Variants in ADK observed in about 807,000 individuals in gnomAD.
The protein encoded by ADK is adenosine kinase.
ADK carries 24 observed loss-of-function variants against 44.7 expected under a neutral mutation model. The observed-to-expected ratio is 0.54, with a 90% confidence interval of 0.39 to 0.76. ADK has a LOEUF of 0.76. Ranked by LOEUF, ADK falls within the 30% of genes least tolerant of loss-of-function variation. The pLI, the probability that ADK is intolerant of heterozygous loss-of-function variation, is 0.00. For synonymous variants in ADK, 128 were observed against 142.6 expected (o/e 0.90, Z 0.73); for missense variants, 321 against 425.1 (o/e 0.76, Z 2.15).
intron 9 of ADK, among the ~76,000 whole-genome samples, chr10:74,652,046 C>CT (rs1401635840): frequency 0.017 from 2,343 of 138,482 alleles, 61 homozygotes; most frequent in African/African-American, 0.031. Flanking sequence ...AACTTTCTTT[C>CT]TTTCTTTTTT....
intron 3 of ADK, among the ~76,000 whole-genome samples, chr10:74,304,363 TAAATG>T (rs1043488072): frequency 2.6e-5 from 4 of 152,184 alleles, no homozygotes; most frequent in African/African-American, 9.7e-5. Flanking sequence ...ACGTTCAAGG[TAAATG>T]AAATGAAAGA....
At chr10:74,317,181 C>G (rs2131811322) in intron 4 of ADK, among the ~76,000 whole-genome samples, 1 of 152,266 alleles carries the variant, frequency 6.6e-6, no homozygotes, top group South Asian at 2.1e-4. Context: ...TGTCCAAACA[C>G]AATTCTAGAT....
At chr10:74,286,180 G>A (rs575977358) in intron 3 of ADK, among the ~76,000 whole-genome samples, 76 of 152,218 alleles carry the variant, frequency 5.0e-4, no homozygotes, top group African/African-American at 1.8e-3. Context: ...AGCTTCCCAA[G>A]CAGCTAGGAC....
chr10:74,536,203 T>A (rs190811326), intron 7 of ADK, among the ~76,000 whole-genome samples: 42 of 152,240 alleles, frequency 2.8e-4, no homozygotes, highest in African/African-American at 1.0e-3. Flanking sequence ...ATGCCTGACA[T>A]TTCTTTTAGG....
chr10:74,693,761 A>G (rs572435035), intron 10 of ADK, among the ~76,000 whole-genome samples: 1 of 152,324 alleles, frequency 6.6e-6, no homozygotes, highest in South Asian at 2.1e-4. Flanking sequence ...CCTAAGCCTA[A>G]GAGTAAAATA....
At chr10:74,574,294 C>T (rs1447437644) in intron 7 of ADK, among the ~76,000 whole-genome samples, 1 of 152,026 alleles carries the variant, frequency 6.6e-6, no homozygotes, top group Admixed American at 6.5e-5. Context: ...CCTCAGCCTC[C>T]CAAGTAGCTG....
intron 8 of ADK, among the ~76,000 whole-genome samples, chr10:74,593,983 A>T: frequency 6.6e-6 from 1 of 152,186 alleles, no homozygotes; most frequent in Non-Finnish European, 1.5e-5. Context: ...TTGCTGGGTC[A>T]AATGGTATTT....
chr10:74,631,197 A>G (rs1171983379), intron 9 of ADK, among the ~76,000 whole-genome samples: 1 of 151,812 alleles, frequency 6.6e-6, no homozygotes, highest in African/African-American at 2.4e-5. Flanking sequence ...GAATTTATAC[A>G]CACATCTATA....
chr10:74,488,630 A>ATTTTTCTCCTC (rs6143984), intron 6 of ADK, among the ~76,000 whole-genome samples: 108,690 of 150,004 alleles, frequency 0.72, 40,089 homozygotes, highest in Middle Eastern at 0.86. Flanking sequence ...AGATAGCAGG[A>ATTTTTCTCCTC]TTAAAGAAAA....
At chr10:74,169,287 T>G (rs764625769) in intron 1 of ADK, among the ~76,000 whole-genome samples, 1 of 152,248 alleles carries the variant, frequency 6.6e-6, no homozygotes, top group African/African-American at 2.4e-5. Flanking sequence ...TATTCTTTAT[T>G]TCTGTGATGT....
At chr10:74,245,594 G>GTTTTTT (rs11377208) in intron 3 of ADK, among the ~76,000 whole-genome samples, 2 of 141,270 alleles carry the variant, frequency 1.4e-5, no homozygotes. Context: ...TTTTGTTTTT[G>GTTTTTT]TTTTTTTTTT....
At chr10:74,518,999 C>T (rs1447944490) in intron 6 of ADK, among the ~76,000 whole-genome samples, 2 of 151,098 alleles carry the variant, frequency 1.3e-5, no homozygotes, top group African/African-American at 2.4e-5. Context: ...TGGTGCTATT[C>T]AATAGAAATA....
At chr10:74,236,620 C>G (rs1844968199) in intron 3 of ADK, among the ~76,000 whole-genome samples, 1 of 152,146 alleles carries the variant, frequency 6.6e-6, no homozygotes. Context: ...CCTTCATTAT[C>G]CATAAACCAC....
chr10:74,332,486 A>T (rs1346155369), intron 4 of ADK, among the ~76,000 whole-genome samples: 2 of 152,222 alleles, frequency 1.3e-5, no homozygotes, highest in Non-Finnish European at 1.5e-5. Flanking sequence ...GGAGACTAGT[A>T]TAATTATTCA....
intron 7 of ADK, among the ~76,000 whole-genome samples, chr10:74,527,321 A>G (rs897561272): frequency 7.2e-5 from 11 of 152,076 alleles, no homozygotes; most frequent in Non-Finnish European, 1.0e-4. Flanking sequence ...AGATCGCGCC[A>G]CTGCACTCCA....
In ADK at chr10:74,525,318, C is replaced by T; in HGVS notation, c.618C>T (p.Asn206=). ...VLKVAHHASE[N]NRIFTLNLSA... ...AGGTGGCTCACCATGCTTCTGAAAA[C>T]AACAGGATTTTCACTTTGAATCTAT... The change falls in exon 7 of 11, where the codon AAC becomes AAT. Residue 206 remains asparagine (N), a synonymous_variant. Coordinates refer to ENST00000539909, the MANE Select transcript of ADK (RefSeq NM_006721.4). The T allele has an allele frequency of 6.2e-7, 1 of 1,613,732 alleles. No homozygotes were observed. Among genetic ancestry groups the T allele is most frequent in the Non-Finnish European group, 8.5e-7 (1 of 1,179,826 alleles).
intron 4 of ADK, among the ~76,000 whole-genome samples, chr10:74,356,428 C>T (rs1235227650): frequency 6.6e-6 from 1 of 152,150 alleles, no homozygotes; most frequent in African/African-American, 2.4e-5. Context: ...TCACACTCTG[C>T]AGCATTAAAA....
intron 6 of ADK, among the ~76,000 whole-genome samples, chr10:74,489,435 G>C (rs888928975): frequency 2.0e-5 from 3 of 151,902 alleles, no homozygotes; most frequent in Admixed American, 6.6e-5. Context: ...TCAATGACTT[G>C]AACAAGGATA....
chr10:74,447,660 C>T (rs114954369), intron 6 of ADK, among the ~76,000 whole-genome samples: 2,078 of 152,234 alleles, frequency 0.014, 46 homozygotes, highest in African/African-American at 0.048. Flanking sequence ...TAATAATCTA[C>T]TACTCTTTGT....
Sources: allele counts gnomAD v4.1 joint callset (sites outside exome capture counted in the v4.1 genomes callset), GRCh38; gene constraint gnomAD v4.1.1; transcripts MANE v1.5; gene names NCBI Gene and HGNC (gene_info 2026-07-23, HGNC 2026-07-21).